The following PRKN variants were observed in gnomAD, a reference collection of about 807,000 sequenced individuals.
The protein encoded by PRKN is E3 ubiquitin-protein ligase parkin.
PRKN carries 56 observed loss-of-function variants against 59.5 expected under a neutral mutation model. That is an observed-to-expected ratio of 0.94 (90% CI 0.76 to 1.18). The LOEUF (loss-of-function observed/expected upper bound fraction) is 1.18. Among genes scored for constraint, PRKN ranks in the 50% most tolerant of loss-of-function variants. The probability of loss-of-function intolerance (pLI) is 0.00; values close to 1 mark genes in which losing one functional copy is unlikely to be tolerated. For synonymous variants in PRKN, 250 were observed against 222.1 expected (o/e 1.13, Z -1.12); for missense variants, 657 against 596.4 (o/e 1.10, Z -1.06).
intron 1 of PRKN, among the ~76,000 whole-genome samples, chr6:162,556,948 T>G (rs574819160): frequency 6.6e-6 from 1 of 151,996 alleles, no homozygotes; most frequent in Non-Finnish European, 1.5e-5. Context: ...CCTGCCCCAT[T>G]TGATGAAATA....
intron 3 of PRKN, among the ~76,000 whole-genome samples, chr6:162,216,619 A>G (rs1777681698): frequency 6.6e-6 from 1 of 151,444 alleles, no homozygotes; most frequent in Non-Finnish European, 1.5e-5. Flanking sequence ...ACCTGTCCAA[A>G]CCATCTGGCG....
chr6:161,599,164 G>C (rs1258039816), intron 7 of PRKN, among the ~76,000 whole-genome samples: 2 of 152,184 alleles, frequency 1.3e-5, no homozygotes, highest in Non-Finnish European at 2.9e-5. Flanking sequence ...CAGACTTCAG[G>C]CTCCCAGGAC....
chr6:161,934,999 G>A (rs996239400), intron 6 of PRKN, among the ~76,000 whole-genome samples: 1 of 152,112 alleles, frequency 6.6e-6, no homozygotes, highest in Non-Finnish European at 1.5e-5. Flanking sequence ...TGCACAGGAA[G>A]AATTTTCAGA....
chr6:162,145,435 C>T (rs1307414235), intron 4 of PRKN, among the ~76,000 whole-genome samples: 2 of 152,184 alleles, frequency 1.3e-5, no homozygotes, highest in African/African-American at 4.8e-5. Flanking sequence ...GTCAGGCCCA[C>T]TGTGCCTGGG....
At chr6:162,650,647 A>G (rs973705213) in intron 1 of PRKN, among the ~76,000 whole-genome samples, 1 of 151,890 alleles carries the variant, frequency 6.6e-6, no homozygotes, top group Non-Finnish European at 1.5e-5. Context: ...GAAACCTCAG[A>G]GAGATTTTAA....
rs139480268 is a variant in PRKN, at chr6:161,834,449, T to C, written c.735-48541A>G. On this transcript the variant is annotated intron_variant, in intron 6 of 11. Transcript: ENST00000366898. Reference sequence around the variant, plus strand: ...TCCACAGTTTCAAAATAGCCTGCGGTAACTAGGCATTGTTATTATTTACCA... The same window carrying C: ...TCCACAGTTTCAAAATAGCCTGCGGCAACTAGGCATTGTTATTATTTACCA... 3.9e-4 allele frequency among the ~76,000 whole-genome samples: 60 copies of C among 152,312 alleles called. No individual in the cohort carries two copies. The East Asian group carries it at 0.011, about 28-fold the overall frequency.
chr6:162,685,883 G>A (rs1475813369), intron 1 of PRKN, among the ~76,000 whole-genome samples: 1 of 152,062 alleles, frequency 6.6e-6, no homozygotes, highest in Non-Finnish European at 1.5e-5. Flanking sequence ...GTCAGTCTGC[G>A]TGTGTCTCTC....
intron 2 of PRKN, among the ~76,000 whole-genome samples, chr6:162,331,565 C>T (rs1191125359): frequency 1.3e-5 from 2 of 152,196 alleles, no homozygotes; most frequent in African/African-American, 2.4e-5. Context: ...AGCATTTGTA[C>T]TTCCCCTTTC....
chr6:162,374,963 A>G (rs944107285), intron 2 of PRKN, among the ~76,000 whole-genome samples: 1 of 152,148 alleles, frequency 6.6e-6, no homozygotes, highest in Admixed American at 6.6e-5. Context: ...ATTTTTATGT[A>G]TAACAAAAAG....
intron 5 of PRKN, among the ~76,000 whole-genome samples, chr6:161,977,306 C>A (rs1299584367): frequency 2.0e-5 from 3 of 152,106 alleles, no homozygotes; most frequent in African/African-American, 7.2e-5. Context: ...CAGTTCCCCT[C>A]CACACGTCTC....
At chr6:162,328,497 A>C (rs1407065709) in intron 2 of PRKN, among the ~76,000 whole-genome samples, 1 of 152,210 alleles carries the variant, frequency 6.6e-6, no homozygotes, top group African/African-American at 2.4e-5. Flanking sequence ...TGTGTATTAG[A>C]ACTTACAAAG....
At chr6:162,652,129 C>A (rs922612171) in intron 1 of PRKN, among the ~76,000 whole-genome samples, 16 of 152,232 alleles carry the variant, frequency 1.1e-4, no homozygotes, top group Admixed American at 7.8e-4. Context: ...ATGTAACAGC[C>A]CCAAATTTCT....
At chr6:161,873,934 T>G (rs1321212032) in intron 6 of PRKN, among the ~76,000 whole-genome samples, 1 of 119,202 alleles carries the variant, frequency 8.4e-6, no homozygotes, top group Non-Finnish European at 1.6e-5. Flanking sequence ...AAATATATAA[T>G]ATATATAAAA....
chr6:161,540,517 T>A (rs969575372), intron 9 of PRKN, among the ~76,000 whole-genome samples: 1 of 152,206 alleles, frequency 6.6e-6, no homozygotes, highest in Non-Finnish European at 1.5e-5. Flanking sequence ...CCATATAATT[T>A]AAAAAGTCAT....
intron 7 of PRKN, among the ~76,000 whole-genome samples, chr6:161,655,741 G>C (rs1250286254): frequency 6.6e-6 from 1 of 152,206 alleles, no homozygotes; most frequent in African/African-American, 2.4e-5. Flanking sequence ...ACTAAATTTA[G>C]TTCTCCTGCT....
At chr6:162,454,976 T>C (rs796420827) in intron 1 of PRKN, among the ~76,000 whole-genome samples, 2 of 152,292 alleles carry the variant, frequency 1.3e-5, no homozygotes, top group South Asian at 2.1e-4. Flanking sequence ...TTTCGGACTG[T>C]GTTTTCAGCA....
intron 3 of PRKN, among the ~76,000 whole-genome samples, chr6:162,217,252 C>T (rs549160371): frequency 6.6e-6 from 1 of 152,296 alleles, no homozygotes; most frequent in East Asian, 1.9e-4. Flanking sequence ...TTCCACATCC[C>T]TTTCTACAGC....
intron 6 of PRKN, among the ~76,000 whole-genome samples, chr6:161,951,567 G>T (rs537317827): frequency 2.1e-4 from 32 of 152,164 alleles, no homozygotes; most frequent in Non-Finnish European, 4.7e-4. Context: ...TAAAAAGAAA[G>T]ATCACTCCAC....
intron 7 of PRKN, among the ~76,000 whole-genome samples, chr6:161,702,105 A>G (rs1583026184): frequency 6.6e-6 from 1 of 152,328 alleles, no homozygotes; most frequent in South Asian, 2.1e-4. Context: ...TATGTATTTC[A>G]TGTTTTCAGT....
Sources: allele counts gnomAD v4.1 joint callset (sites outside exome capture counted in the v4.1 genomes callset), GRCh38; gene constraint gnomAD v4.1.1; transcripts MANE v1.5; gene names NCBI Gene and HGNC (gene_info 2026-07-23, HGNC 2026-07-21).